Variants in FBN2 observed in about 807,000 individuals in gnomAD.
FBN2 encodes fibrillin 2.
In FBN2, 105 loss-of-function variants were observed where a neutral mutation model predicts 355.6. That is an observed-to-expected ratio of 0.30 (90% CI 0.25 to 0.35). The LOEUF is 0.35. Ranked by LOEUF, FBN2 falls within the 10% of genes least tolerant of loss-of-function variation. FBN2 has a pLI of 1.00. For missense variants in FBN2, 3,280 were observed against 3,758.7 expected (o/e 0.87, Z 3.33); for synonymous variants, 1,350 against 1,301.2 (o/e 1.04, Z -0.81).
intron 30 of FBN2, 120 bp from the exon 31 acceptor site, chr5:128,334,964 G>A (rs1001460600): frequency 2.4e-5 from 28 of 1,154,928 alleles, no homozygotes; most frequent in Admixed American, 7.7e-5. Flanking sequence ...TAATCCATCC[G>A]CAAATCATCG....
At chr5:128,500,643 A>G (rs1031503117) in intron 5 of FBN2, among the ~76,000 whole-genome samples, 1 of 151,334 alleles carries the variant, frequency 6.6e-6, no homozygotes, top group Non-Finnish European at 1.5e-5. Context: ...ACGGAGTTTC[A>G]CCATGTTAGC....
At chr5:128,434,394 G>GTGTGTATATATATATATATA (rs377404948) in intron 7 of FBN2, among the ~76,000 whole-genome samples, 1 of 91,678 alleles carries the variant, frequency 1.1e-5, no homozygotes, top group South Asian at 3.8e-4. Flanking sequence ...AATAAAGTGT[G>GTGTGTATATATATATATATA]TATATATATA....
At chr5:128,457,768 C>T (rs932309051) in intron 6 of FBN2, among the ~76,000 whole-genome samples, 1 of 151,816 alleles carries the variant, frequency 6.6e-6, no homozygotes, top group African/African-American at 2.4e-5. Flanking sequence ...GATTTCATTA[C>T]CACCAGGCCT....
intron 4 of FBN2, among the ~76,000 whole-genome samples, chr5:128,520,167 C>T (rs530623546): frequency 6.6e-6 from 1 of 152,272 alleles, no homozygotes; most frequent in African/African-American, 2.4e-5. Flanking sequence ...AGTTAGGGTT[C>T]CATGAGCCCA....
At chr5:128,434,410 A>ATC (rs1753719834) in intron 7 of FBN2, among the ~76,000 whole-genome samples, 1 of 108,414 alleles carries the variant, frequency 9.2e-6, no homozygotes, top group Non-Finnish European at 2.1e-5. Context: ...ATATATATAT[A>ATC]TATATATATA....
intron 10 of FBN2, among the ~76,000 whole-genome samples, chr5:128,392,749 T>A (rs1752548535): frequency 6.6e-6 from 1 of 152,182 alleles, no homozygotes; most frequent in African/African-American, 2.4e-5. Flanking sequence ...AAGGGGTGCA[T>A]GAACAGGGCA....
chr5:128,323,842 T>A (rs1750463222), intron 34 of FBN2, among the ~76,000 whole-genome samples: 1 of 152,214 alleles, frequency 6.6e-6, no homozygotes, highest in Admixed American at 6.5e-5. Context: ...TTCTGTTGTT[T>A]GGAATAGTTT....
intron 6 of FBN2, among the ~76,000 whole-genome samples, chr5:128,462,314 C>A (rs1213284995): frequency 1.3e-5 from 2 of 151,430 alleles, no homozygotes; most frequent in African/African-American, 2.4e-5. Context: ...TTTTTCATGC[C>A]CCATCTCTTC....
intron 30 of FBN2, 47 bp from the exon 31 acceptor site, chr5:128,334,891 T>G: frequency 6.5e-7 from 1 of 1,538,022 alleles, no homozygotes; most frequent in Non-Finnish European, 9.0e-7. Context: ...ATCACAGTAA[T>G]TTAAAAGCTA....
intron 48 of FBN2, among the ~76,000 whole-genome samples, chr5:128,296,447 G>T (rs1477875856): frequency 6.6e-6 from 1 of 151,752 alleles, no homozygotes; most frequent in Non-Finnish European, 1.5e-5. Flanking sequence ...GTAGAATTCG[G>T]CTGTGAATCC....
chr5:128,360,570 T>C (rs1350808070), intron 19 of FBN2, among the ~76,000 whole-genome samples: 2 of 152,094 alleles, frequency 1.3e-5, no homozygotes, highest in African/African-American at 4.8e-5. Context: ...TCTTTTTTTT[T>C]TCTTTAGGCT....
intron 25 of FBN2, chr5:128,339,262 C>G (rs1267944040): frequency 8.9e-6 from 5 of 563,034 alleles, no homozygotes; most frequent in Non-Finnish European, 1.3e-5. Flanking sequence ...TGCCAACAGG[C>G]AAGTGGTGCC....
Position 128,287,450 on chromosome 5 carries a change from G to T in FBN2, c.6758-20C>A. ...TGATATCTGACCAAAGGAATGGACA[G>T]GAATGTGCTCAGCCTAGAGTTCTAA... is the stretch of plus-strand genomic sequence containing the variant. On this transcript the variant is annotated intron_variant, in intron 53 of 64. Coordinates refer to ENST00000262464, the MANE Select transcript of FBN2 (RefSeq NM_001999.4). 6.2e-7 allele frequency: 1 copy of T among 1,613,336 alleles called. No homozygotes were observed. Among genetic ancestry groups the T allele is most frequent in the Non-Finnish European group, 8.5e-7 (1 of 1,179,482 alleles).
chr5:128,375,742 A>C (rs1447829212), intron 14 of FBN2, among the ~76,000 whole-genome samples: 1 of 152,162 alleles, frequency 6.6e-6, no homozygotes. Context: ...AAACAAAGAA[A>C]AACAAAAATT....
At chr5:128,370,024 T>G (rs1282748466) in intron 15 of FBN2, among the ~76,000 whole-genome samples, 1 of 152,188 alleles carries the variant, frequency 6.6e-6, no homozygotes, top group African/African-American at 2.4e-5. Context: ...CACAGCTACC[T>G]ATGTAGTTTG....
chr5:128,389,182 C>T (rs1354883235), intron 11 of FBN2, among the ~76,000 whole-genome samples: 1 of 152,168 alleles, frequency 6.6e-6, no homozygotes, highest in Non-Finnish European at 1.5e-5. Context: ...TCAGCTCTAT[C>T]AGATCAGTTT....
intron 6 of FBN2, among the ~76,000 whole-genome samples, chr5:128,448,595 T>TGAGCCAC (rs2127060248): frequency 6.6e-6 from 1 of 152,240 alleles, no homozygotes; most frequent in South Asian, 2.1e-4. Context: ...GCATGAGCCA[T>TGAGCCAC]GAGCCACCGT....
At chr5:128,308,092 A>T (rs898334920) in intron 41 of FBN2, among the ~76,000 whole-genome samples, 13 of 152,102 alleles carry the variant, frequency 8.5e-5, no homozygotes, top group African/African-American at 3.1e-4. Flanking sequence ...AGTCACTGTA[A>T]TTATTTATTA....
rs1177928211 is a variant in FBN2, at chr5:128,309,312, C to T, written c.5288G>A (p.Cys1763Tyr). Reference protein sequence around the residue: ...LPFNVTKRMCCCTYNVGKAWN... With the variant: ...LPFNVTKRMCYCTYNVGKAWN... ...GGCTTTGCCCACATTATATGTGCAG[C>T]AGCACATCCTTTTTGTCACATTGAA... Residue 1763 changes from cysteine (C) to tyrosine (Y), a missense_variant, in exon 41 of 65, where the codon TGC (cysteine) becomes TAC (tyrosine). Cys to Tyr is a radical substitution (Grantham distance 194). Coordinates refer to ENST00000262464, the MANE Select transcript of FBN2 (RefSeq NM_001999.4). 1.2e-6 allele frequency: 2 copies of T among 1,614,100 alleles called. No homozygotes were observed. The highest frequency in any genetic ancestry group is 1.1e-5 in the South Asian group (1 of 91,084).
Sources: gnomAD v4.1 joint callset for allele counts (sites outside exome capture counted in the v4.1 genomes callset) on GRCh38, gnomAD v4.1.1 for gene constraint, MANE v1.5 for transcripts, NCBI Gene and HGNC (gene_info 2026-07-23, HGNC 2026-07-21) for gene names.